ST14: variants seen among roughly 807,000 people sequenced by gnomAD.
ST14 encodes the protein suppressor of tumorigenicity 14 protein.
In ST14, 40 loss-of-function variants were observed where a neutral mutation model predicts 96.5. That is an observed-to-expected ratio of 0.41 (90% CI 0.32 to 0.54). The LOEUF (loss-of-function observed/expected upper bound fraction) is 0.54. Among genes scored for constraint, ST14 ranks in the 20% least tolerant of loss-of-function variants. ST14 has a pLI of 0.17. For missense variants in ST14, 1,066 were observed against 1,188.9 expected (o/e 0.90, Z 1.52); for synonymous variants, 506 against 492.1 (o/e 1.03, Z -0.37).
intron 11 of ST14, among the ~76,000 whole-genome samples, chr11:130,196,991 C>A (rs931758827): frequency 2.0e-5 from 3 of 152,144 alleles, no homozygotes; most frequent in Non-Finnish European, 1.5e-5. Flanking sequence ...ATCTGTCCCT[C>A]AGGCCCACCT....
At chr11:130,207,743 A>G (rs1326788680) in intron 16 of ST14, among the ~76,000 whole-genome samples, 1 of 152,192 alleles carries the variant, frequency 6.6e-6, no homozygotes, top group Non-Finnish European at 1.5e-5. Context: ...ATATTTTTCA[A>G]TTCATTTTGG....
intron 1 of ST14, among the ~76,000 whole-genome samples, chr11:130,172,663 C>T (rs576807001): frequency 4.6e-5 from 7 of 151,910 alleles, no homozygotes; most frequent in Non-Finnish European, 8.8e-5. Flanking sequence ...GTGATCCGCC[C>T]GCCTCAGCCT....
At chr11:130,209,348 A>C in intron 17 of ST14, 94 bp from the exon 18 acceptor site, 1 of 1,515,816 alleles carries the variant, frequency 6.6e-7, no homozygotes, top group Non-Finnish European at 8.9e-7. Context: ...GGGCTGTTCC[A>C]GAGTTTTCTA....
In ST14 at chr11:130,198,295, TACCCC is replaced by T; in HGVS notation, c.1460-10_1460-6del. 6.2e-7 allele frequency: 1 copy of T among 1,613,316 alleles called. No homozygotes were observed. On this transcript the variant is annotated splice_region_variant and splice_polypyrimidine_tract_variant and intron_variant, in intron 12 of 18. Transcript: ENST00000278742. The stretch of plus-strand genomic sequence containing the variant: ...GAGGGCCTCACGGCCGACCTCCCCT[TACCCC>T]ACTCCAGGTTGCGACGCCGGCCACC...
chr11:130,205,227 A>G (rs745963565), intron 16 of ST14, among the ~76,000 whole-genome samples: 3 of 152,084 alleles, frequency 2.0e-5, no homozygotes, highest in Non-Finnish European at 1.5e-5. Context: ...CCCGGCTTCA[A>G]GCAATTCTCC....
intron 1 of ST14, among the ~76,000 whole-genome samples, chr11:130,172,342 G>A (rs1220952550): frequency 6.6e-6 from 1 of 150,788 alleles, no homozygotes; most frequent in African/African-American, 2.4e-5. Flanking sequence ...CAGGGCTCAA[G>A]CAATCCTCCC....
At chr11:130,178,683 A>C (rs781454184) in intron 1 of ST14, among the ~76,000 whole-genome samples, 36 of 152,186 alleles carry the variant, frequency 2.4e-4, no homozygotes, top group Non-Finnish European at 3.7e-4. Context: ...GCCGTGGGTC[A>C]GCTTTGTGTT....
intron 9 of ST14, 26 bp from the exon 10 acceptor site, chr11:130,196,313 A>G (rs759117738): frequency 1.3e-6 from 2 of 1,547,000 alleles, no homozygotes; most frequent in African/African-American, 2.7e-5. Flanking sequence ...GGAACTGCAC[A>G]TTCCCAGCAG....
In ST14 at chr11:130,188,845, C is replaced by G. The variant is rs767813565; in HGVS notation, c.370-24C>G. The G allele has an allele frequency of 4.3e-6, 7 of 1,611,106 alleles. No homozygotes were observed. In the African/African-American group the frequency reaches 9.3e-5, roughly 21 times the overall value. On this transcript the variant is annotated intron_variant, in intron 3 of 18. Transcript: ENST00000278742. This position sits in a 1 kb window ranked among gnomAD's most constrained non-coding sequence, Gnocchi z 5.4. ...CAGGGTCATCGCCGCATGGGGCTCA[C>G]CTTGAGTCTCTGCCCTTCCTCAGCT...
intron 7 of ST14, among the ~76,000 whole-genome samples, chr11:130,191,621 C>T (rs1285568042): frequency 4.9e-5 from 7 of 141,798 alleles, no homozygotes; most frequent in Admixed American, 1.5e-4. Context: ...ACCTGGGAGG[C>T]AGAGGTTGCA....
intron 1 of ST14, among the ~76,000 whole-genome samples, chr11:130,170,739 C>T (rs1591877914): frequency 6.6e-6 from 1 of 152,014 alleles, no homozygotes; most frequent in East Asian, 1.9e-4. Context: ...GAGCCAGTGC[C>T]CTTAGACCAA....
At chr11:130,190,177 G>T in intron 6 of ST14, 29 bp downstream of exon 6, 1 of 1,614,128 alleles carries the variant, frequency 6.2e-7, no homozygotes, top group Non-Finnish European at 8.5e-7. Flanking sequence ...TCCTCTTCTG[G>T]GTGGGGAAGA....
Position 130,208,448 on chromosome 11 carries a change from T to C in ST14, c.2033T>C (p.Leu678Ser). 1 of 1,614,184 alleles carries C rather than the reference T, an allele frequency of 6.2e-7. No individual in the cohort carries two copies. Among genetic ancestry groups the C allele is most frequent in the Non-Finnish European group, 8.5e-7 (1 of 1,180,048 alleles). Reference protein sequence around the residue: ...DPTQWTAFLGLHDQSQRSAPG... With the variant: ...DPTQWTAFLGSHDQSQRSAPG... ...ACGCAGTGGACGGCCTTCCTGGGCTTGCACGACCAGAGCCAGCGCAGCGCC... is the reference window on the plus strand; with the variant it reads ...ACGCAGTGGACGGCCTTCCTGGGCTCGCACGACCAGAGCCAGCGCAGCGCC... Residue 678 changes from leucine (L) to serine (S), a missense_variant, in exon 17 of 19, where the codon TTG (leucine) becomes TCG (serine). Transcript: ENST00000278742.
chr11:130,171,771 C>A (rs1953094329), intron 1 of ST14, among the ~76,000 whole-genome samples: 1 of 152,236 alleles, frequency 6.6e-6, no homozygotes, highest in African/African-American at 2.4e-5. Flanking sequence ...TGAAGCCACT[C>A]CACAAGTCAG....
Position 130,206,748 on chromosome 11 carries a change from G to A in ST14, c.1995-1662G>A, listed in dbSNP as rs915688326. Among the ~76,000 whole-genome samples the A allele has an allele frequency of 5.5e-4, 83 of 151,740 alleles. 1 individual carries two copies. Among genetic ancestry groups the A allele is most frequent in the Middle Eastern group, 6.8e-3 (2 of 294 alleles). ...ACACCTGGCTAATTTTTGTGTTTTT[G>A]GTAGAGGCGGGGTTTCACCATGCTG... On this transcript the variant is annotated intron_variant, in intron 16 of 18. Coordinates refer to ENST00000278742, the MANE Select transcript of ST14 (RefSeq NM_021978.4).
At chr11:130,190,176 G>A (rs1184982736) in intron 6 of ST14, 28 bp downstream of exon 6, 6 of 1,613,986 alleles carry the variant, frequency 3.7e-6, no homozygotes, top group Middle Eastern at 3.3e-4. Flanking sequence ...CTCCTCTTCT[G>A]GGTGGGGAAG....
rs1472812610 is a variant in ST14, at chr11:130,176,346, A to T, written c.82-11768A>T. 2.1e-5 allele frequency among the ~76,000 whole-genome samples: 3 copies of T among 143,700 alleles called. No homozygotes were observed. In the East Asian group the frequency reaches 6.0e-4, roughly 29 times the overall value. The allele number at this position is 143,700 out of a possible 152,430, so 94.3% of individuals were successfully genotyped here. On this transcript the variant is annotated intron_variant, in intron 1 of 18. Transcript: ENST00000278742. ...TCCCAGGGGTTCCTCCTTAAAAGTTACCCCTGACAGGGATTTACTTTTCCT... is the reference window on the plus strand; with the variant it reads ...TCCCAGGGGTTCCTCCTTAAAAGTTTCCCCTGACAGGGATTTACTTTTCCT...
intron 1 of ST14, among the ~76,000 whole-genome samples, chr11:130,170,656 G>A (rs910328243): frequency 7.3e-5 from 11 of 151,610 alleles, no homozygotes; most frequent in Non-Finnish European, 1.5e-4. Context: ...GTTCCTAACC[G>A]AGAGGTTAGG....
intron 15 of ST14, among the ~76,000 whole-genome samples, chr11:130,199,561 T>C (rs1953405987): frequency 6.6e-6 from 1 of 152,204 alleles, no homozygotes; most frequent in Admixed American, 6.5e-5. Context: ...GCTGTGGCCT[T>C]CAGCATTCAA....
Sources: allele counts gnomAD v4.1 joint callset (sites outside exome capture counted in the v4.1 genomes callset), GRCh38; gene constraint gnomAD v4.1.1; non-coding constraint Gnocchi (gnomAD v3.1); transcripts MANE v1.5; gene names NCBI Gene and HGNC (gene_info 2026-07-23, HGNC 2026-07-21).